SHROOM2: variants seen among roughly 807,000 people sequenced by gnomAD.
SHROOM2 encodes the protein protein Shroom2.
A neutral mutation model predicts 75.9 loss-of-function variants in SHROOM2; 33 were observed. The observed-to-expected ratio is 0.43, with a 90% CI of 0.33 to 0.58. The LOEUF (loss-of-function observed/expected upper bound fraction) is 0.58. Among genes scored for constraint, SHROOM2 ranks in the 20% least tolerant of loss-of-function variants. The pLI is 0.04. For synonymous variants in SHROOM2, 655 were observed against 663.6 expected (o/e 0.99, Z 0.20); for missense variants, 1,434 against 1,461.2 (o/e 0.98, Z 0.30).
intron 1 of SHROOM2, among the ~76,000 whole-genome samples, chrX:9,850,874 C>T (rs781760686): frequency 1.8e-5 from 2 of 109,417 alleles, no homozygotes; most frequent in Non-Finnish European, 3.8e-5. Context: ...AAACTTGTAC[C>T]CTGGTATTGA....
chrX:9,939,484 C>A, intron 8 of SHROOM2, 118 bp downstream of exon 8: 1 of 597,078 alleles, frequency 1.7e-6, no homozygotes, highest in Non-Finnish European at 2.6e-6. Context: ...CGTTTGTGTT[C>A]AGCTTTCACT....
chrX:9,911,544 G>A lies in SHROOM2; in HGVS notation c.2891+13254G>A, dbSNP rs1449031866. The stretch of plus-strand genomic sequence containing the variant: ...GGATGTGGGAGGGTGGGATAGGGCT[G>A]TGAGGCGCAGTGGCTGGCGACGCTG... On this transcript the variant is annotated intron_variant, in intron 5 of 9. Transcript: ENST00000380913. Among the ~76,000 whole-genome samples, 3 of 111,234 alleles carry A rather than the reference G, an allele frequency of 2.7e-5. No individual in the cohort carries two copies. The East Asian group carries it at 8.5e-4, about 31-fold the overall frequency.
Position 9,937,426 on chromosome X carries a change from C to T in SHROOM2, c.3880C>T (p.Arg1294Cys), listed in dbSNP as rs368647776. 2.5e-5 allele frequency: 30 copies of T among 1,209,025 alleles called. No individual in the cohort carries two copies. Among genetic ancestry groups the T allele is most frequent in the African/African-American group, 3.5e-5 (2 of 57,227 alleles). Reference protein sequence around the residue: ...LGTQVPPEKDRCTSPPGLSYM... With the variant: ...LGTQVPPEKDCCTSPPGLSYM... Reference sequence around the variant, plus strand: ...CACCCAGGTGCCCCCCGAGAAAGACCGCTGCACCTCCCCTCCAGGGCTCAG... The same window carrying T: ...CACCCAGGTGCCCCCCGAGAAAGACTGCTGCACCTCCCCTCCAGGGCTCAG... Residue 1294 changes from arginine to cysteine, a missense_variant, in exon 7 of 10, where the codon CGC (arginine) becomes TGC (cysteine). Physicochemically the swap from Arg to Cys is radical, Grantham distance 180 (BLOSUM62 -3). Around this residue, in one of 3 missense-constraint regions of SHROOM2, gnomAD observed 1,340 missense variants for 1,338.3 expected, o/e 1.00. Coordinates refer to ENST00000380913, the MANE Select transcript of SHROOM2 (RefSeq NM_001649.4).
chrX:9,839,551 A>T (rs977642820), intron 1 of SHROOM2, among the ~76,000 whole-genome samples: 10 of 111,161 alleles, frequency 9.0e-5, no homozygotes, highest in Non-Finnish European at 1.9e-4. Flanking sequence ...CCAAGCACGG[A>T]GCTGCTTTCT....
Position 9,786,561 on chromosome X carries a change from C to A in SHROOM2, c.16C>A (p.Pro6Thr). 2 of 854,392 alleles carry A rather than the reference C, an allele frequency of 2.3e-6. No homozygotes were observed. The highest frequency in any genetic ancestry group is 6.6e-5 in the East Asian group (1 of 15,185). The allele number at this position is 854,392 out of a possible 1,213,427, so 70.4% of individuals were successfully genotyped here. Residue 6 changes from proline to threonine, a missense_variant, in exon 1 of 10, where the codon CCC becomes ACC. Physicochemically the swap from Pro to Thr is conservative, Grantham distance 38. Coordinates refer to ENST00000380913, the MANE Select transcript of SHROOM2 (RefSeq NM_001649.4). The stretch of plus-strand genomic sequence containing the variant: ...CGGTCGCGCCATGGAGGGCGCCGAG[C>A]CCCGCGCGCGGCCCGAGCGCCTGGC... The part of the protein sequence containing the change: MEGAE[P>T]RARPERLAEA...
chrX:9,890,115 C>A (rs1342910933), intron 2 of SHROOM2, among the ~76,000 whole-genome samples: 1 of 112,470 alleles, frequency 8.9e-6, no homozygotes, highest in East Asian at 2.8e-4. Context: ...ACCTGTAATC[C>A]CAGTACTTTG....
chrX:9,837,046 A>T (rs1484717390), intron 1 of SHROOM2, among the ~76,000 whole-genome samples: 1 of 112,111 alleles, frequency 8.9e-6, no homozygotes, highest in South Asian at 3.7e-4. Context: ...TGGTATCGGT[A>T]CTCCATTCCC....
At chrX:9,876,648 A>G (rs1348598363) in intron 2 of SHROOM2, among the ~76,000 whole-genome samples, 1 of 112,356 alleles carries the variant, frequency 8.9e-6, no homozygotes, top group Non-Finnish European at 1.9e-5. Context: ...AGACACCAAC[A>G]TATTCATATT....
chrX:9,798,411 G>T (rs992040530), intron 1 of SHROOM2, among the ~76,000 whole-genome samples: 3 of 111,295 alleles, frequency 2.7e-5, no homozygotes, highest in African/African-American at 9.8e-5. Flanking sequence ...CTTTTTTCTT[G>T]TTGCACAATT....
intron 1 of SHROOM2, among the ~76,000 whole-genome samples, chrX:9,788,499 G>A (rs181893309): frequency 9.0e-6 from 1 of 111,171 alleles, no homozygotes; most frequent in East Asian, 2.8e-4. Flanking sequence ...GTTCGGTCCT[G>A]GTCTTCAGAT....
intron 5 of SHROOM2, among the ~76,000 whole-genome samples, chrX:9,916,100 T>A (rs934044555): frequency 1.2e-4 from 13 of 112,397 alleles, no homozygotes; most frequent in Admixed American, 2.8e-4. Context: ...TTTCCTATTT[T>A]AAAAATCAAT....
At chrX:9,788,317 A>T (rs940978228) in intron 1 of SHROOM2, among the ~76,000 whole-genome samples, 3 of 110,832 alleles carry the variant, frequency 2.7e-5, no homozygotes, top group Non-Finnish European at 5.7e-5. Context: ...ATAGTTACAT[A>T]TTAGAGCCCT....
chrX:9,869,128 TG>T (rs2084158291), intron 1 of SHROOM2, among the ~76,000 whole-genome samples: 2 of 109,994 alleles, frequency 1.8e-5, no homozygotes, highest in Admixed American at 1.9e-4. Context: ...AGCTAGTTTT[TG>T]TTTGTATTTT....
At chrX:9,831,573 G>A (rs1228136691) in intron 1 of SHROOM2, among the ~76,000 whole-genome samples, 3 of 112,448 alleles carry the variant, frequency 2.7e-5, no homozygotes, top group Admixed American at 9.4e-5. Context: ...CAGGAGAATC[G>A]CTTGAACCTG....
At chrX:9,788,951 C>T (rs1036413537) in intron 1 of SHROOM2, among the ~76,000 whole-genome samples, 1 of 111,115 alleles carries the variant, frequency 9.0e-6, no homozygotes, top group African/African-American at 3.3e-5. Context: ...GTTAGATTAA[C>T]CATATATCAC....
rs760357634 is a variant in SHROOM2 at position 9,895,934 on chromosome X, C to CT, written c.2027dup (p.Ala677ArgfsTer5). The CT allele has an allele frequency of 2.8e-5, 33 of 1,192,611 alleles. No homozygotes were observed. The highest frequency in any genetic ancestry group is 3.7e-5 in the Non-Finnish European group (33 of 886,510). ...GGGAGGTGGCACCCAGGAAGGACCC[C>CT]TCGCTGGCACCTATAAAGACCACCT... On this transcript the variant is annotated frameshift_variant, in exon 4 of 10. Transcript: ENST00000380913. LOFTEE classifies it high-confidence loss of function.
intron 1 of SHROOM2, among the ~76,000 whole-genome samples, chrX:9,792,002 AATAG>A (rs2083653467): frequency 0.013 from 1 of 77 alleles, no homozygotes; most frequent in Non-Finnish European, 0.071. Context: ...AATAGAATAG[AATAG>A]AATAGAATAG....
intron 5 of SHROOM2, among the ~76,000 whole-genome samples, chrX:9,917,687 A>AT (rs1284158678): frequency 5.6e-4 from 61 of 109,800 alleles, no homozygotes; most frequent in African/African-American, 1.9e-3. Flanking sequence ...CGCCCAGCTA[A>AT]TTTTTTTTTG....
At position 9,801,592 on chromosome X, in the gene SHROOM2, A is replaced by G. The variant is rs142700829; in HGVS notation, c.165+14882A>G. ...AACACAAAAGATGTAAAATATTTTA[A>G]TAATAATTTATTATGTTGGAATTAT... On this transcript the variant is annotated intron_variant, in intron 1 of 9. Coordinates refer to ENST00000380913, the MANE Select transcript of SHROOM2 (RefSeq NM_001649.4). Among the ~76,000 whole-genome samples, 458 of 112,449 alleles carry G rather than the reference A, an allele frequency of 4.1e-3. 1 individual carries two copies. Among genetic ancestry groups the G allele is most frequent in the Non-Finnish European group, 7.0e-3 (373 of 53,356 alleles).
Sources: gnomAD v4.1 joint callset for allele counts (sites outside exome capture counted in the v4.1 genomes callset) on GRCh38, gnomAD v4.1.1 for gene constraint, gnomAD v4.1.1 regional missense constraint, MANE v1.5 for transcripts, NCBI Gene and HGNC (gene_info 2026-07-23, HGNC 2026-07-21) for gene names.